The following ATP2A1 variants were observed in gnomAD, a reference collection of about 807,000 sequenced individuals.
ATP2A1 encodes ATPase sarcoplasmic/endoplasmic reticulum Ca2+ transporting 1.
Under a neutral mutation model 109.5 loss-of-function variants are expected in ATP2A1, and 83 were observed. The observed-to-expected ratio is 0.76, with a 90% CI of 0.63 to 0.91. ATP2A1 has a LOEUF of 0.91. ATP2A1 is among the 40% of genes least tolerant of loss of function. ATP2A1 has a pLI of 0.00. For missense variants in ATP2A1, 1,101 were observed against 1,341.0 expected (o/e 0.82, Z 2.80); for synonymous variants, 505 against 537.6 (o/e 0.94, Z 0.84).
intron 14 of ATP2A1, among the ~76,000 whole-genome samples, chr16:28,899,821 G>A (rs186883596): frequency 6.7e-6 from 1 of 150,086 alleles, no homozygotes; most frequent in Non-Finnish European, 1.5e-5. Flanking sequence ...TTAGCCAGGC[G>A]TGGTGGTGCG....
rs190468681 is a variant in ATP2A1, at chr16:28,884,188, C to T, written c.464-387C>T. On this transcript the variant is annotated intron_variant, in intron 5 of 22. Transcript: ENST00000395503. The stretch of plus-strand genomic sequence containing the variant: ...TGTCTCCCAATCTCAATTATAGCTT[C>T]TTGTCCTACAGCTGGACTGTCCCTA... 5.3e-3 allele frequency among the ~76,000 whole-genome samples: 814 copies of T among 152,278 alleles called. 4 individuals carry two copies. The highest frequency in any genetic ancestry group is 0.02 in the Middle Eastern group (6 of 294).
At position 28,901,857 on chromosome 16, in the gene ATP2A1, C is replaced by T; in HGVS notation, c.2101-6C>T. On this transcript the variant is annotated splice_polypyrimidine_tract_variant and splice_region_variant and intron_variant, in intron 15 of 22. Transcript: ENST00000395503. ...GCCCTAAGCCCACCTTCTCCTCCTCCCTCAGACAGGTGATGGCGTCAATGA... is the reference window on the plus strand; with the variant it reads ...GCCCTAAGCCCACCTTCTCCTCCTCTCTCAGACAGGTGATGGCGTCAATGA... 1 of 1,613,214 alleles carries T rather than the reference C, an allele frequency of 6.2e-7. No individual in the cohort carries two copies. Among genetic ancestry groups the T allele is most frequent in the Non-Finnish European group, 8.5e-7 (1 of 1,179,546 alleles).
In ATP2A1 at chr16:28,902,443, G is replaced by A. The variant is rs1043688234; in HGVS notation, c.2524+57G>A. ...CCCCTTGGGACTAACCCCCTCTCTG[G>A]GACACCAGCTCCCCCATGCAGGTGC... On this transcript the variant is annotated intron_variant, in intron 17 of 22. Coordinates refer to ENST00000395503, the MANE Select transcript of ATP2A1 (RefSeq NM_004320.6). The surrounding 1 kb of genome is among the most constrained non-coding windows in gnomAD (Gnocchi z 4.8). The A allele has an allele frequency of 3.1e-6, 5 of 1,593,854 alleles. No homozygotes were observed. The African/African-American group carries it at 6.7e-5, about 21-fold the overall frequency.
chr16:28,887,896 G>A (rs544374310), intron 8 of ATP2A1, among the ~76,000 whole-genome samples, 174 bp downstream of exon 8: 1 of 152,316 alleles, frequency 6.6e-6, no homozygotes, highest in South Asian at 2.1e-4. Flanking sequence ...CGCCTCGCGG[G>A]TTCACGCCAT....
chr16:28,899,658 C>CG (rs1567489818), intron 14 of ATP2A1, among the ~76,000 whole-genome samples: 1 of 95,382 alleles, frequency 1.0e-5, no homozygotes, highest in Non-Finnish European at 2.1e-5. Flanking sequence ...CCCCCCCCCC[C>CG]CCGAAAAAGA....
At chr16:28,879,418 C>A in intron 2 of ATP2A1, 83 bp from the exon 3 acceptor site, 1 of 1,306,854 alleles carries the variant, frequency 7.7e-7, no homozygotes, top group Non-Finnish European at 1.1e-6. Context: ...CTCCCCACTG[C>A]AGGCCGGAGT....
At chr16:28,879,687 T>C (rs1051978010) in intron 3 of ATP2A1, 104 bp downstream of exon 3, 2 of 1,338,336 alleles carry the variant, frequency 1.5e-6, no homozygotes, top group African/African-American at 2.9e-5. Flanking sequence ...GTCCCGAGCA[T>C]CCCATTGTAC....
At chr16:28,894,296 C>A in intron 10 of ATP2A1, 53 bp downstream of exon 10, 1 of 1,547,376 alleles carries the variant, frequency 6.5e-7, no homozygotes, top group Non-Finnish European at 8.9e-7. Context: ...TCCCACACCC[C>A]CTTTCTCCCT....
chr16:28,897,978 C>T, intron 12 of ATP2A1, 22 bp from the exon 13 acceptor site: 1 of 1,614,000 alleles, frequency 6.2e-7, no homozygotes, highest in Non-Finnish European at 8.5e-7. Context: ...GGACTGGTCT[C>T]CCCTCCCTGT....
chr16:28,882,960 C>G (rs1362206022), intron 5 of ATP2A1, among the ~76,000 whole-genome samples: 1 of 152,204 alleles, frequency 6.6e-6, no homozygotes, highest in African/African-American at 2.4e-5. Context: ...AGCTTTCAGT[C>G]TTGACCTCTC....
chr16:28,891,913 T>TA lies in ATP2A1; in HGVS notation c.1096-2232dup, dbSNP rs573441050. On this transcript the variant is annotated intron_variant, in intron 9 of 22. Transcript: ENST00000395503. ...ATAAAATAAAACAAAAATAAAAAAG[T>TA]AAAAAAAAAATACATAGGAAAGATA... Among the ~76,000 whole-genome samples the TA allele has an allele frequency of 3.4e-3, 500 of 148,210 alleles. 3 individuals are homozygous for TA. Among genetic ancestry groups the TA allele is most frequent in the Non-Finnish European group, 5.8e-3 (384 of 66,778 alleles).
intron 9 of ATP2A1, among the ~76,000 whole-genome samples, chr16:28,892,993 G>A (rs898414628): frequency 6.6e-6 from 1 of 151,192 alleles, no homozygotes; most frequent in Non-Finnish European, 1.5e-5. Context: ...GCAGTTAGCC[G>A]AGATTGCACC....
chr16:28,884,547 A>C, intron 5 of ATP2A1, 28 bp from the exon 6 acceptor site: 9 of 1,532,904 alleles, frequency 5.9e-6, no homozygotes, highest in Non-Finnish European at 7.2e-6. Flanking sequence ...TTCCCAAGTG[A>C]CCTCCCTCTT....
intron 6 of ATP2A1, among the ~76,000 whole-genome samples, chr16:28,885,271 A>C (rs1397234409): frequency 3.3e-5 from 5 of 151,896 alleles, no homozygotes; most frequent in African/African-American, 1.2e-4. Flanking sequence ...AAAAAGACAA[A>C]ACAAAACAAA....
chr16:28,894,515 G>C lies in ATP2A1; in HGVS notation c.1195G>C (p.Asp399His). 1 of 1,613,938 alleles carries C rather than the reference G, an allele frequency of 6.2e-7. No homozygotes were observed. The highest frequency in any genetic ancestry group is 1.7e-5 in the Admixed American group (1 of 60,006). ...TGACCCTGCTGCCAGCTTGAAGAAT[G>C]ATAAGCCAGTCCGGCCAGGGCAGTA... is the stretch of plus-strand genomic sequence containing the variant. ...YAPEGEVLKNDKPVRPGQYDG... is the reference protein window; with the variant it reads ...YAPEGEVLKNHKPVRPGQYDG... The change falls in exon 11 of 23, where the codon GAT (aspartate) becomes CAT (histidine). Residue 399 changes from aspartate (D) to histidine (H), a missense_variant. By Grantham distance (81) the Asp-to-His change is moderately conservative (BLOSUM62 -1). Transcript: ENST00000395503.
chr16:28,879,081 C>T lies in ATP2A1; in HGVS notation c.119-18C>T, dbSNP rs1346296972. 1.2e-6 allele frequency: 2 copies of T among 1,612,124 alleles called. No individual in the cohort carries two copies. Among genetic ancestry groups the T allele is most frequent in the African/African-American group, 2.7e-5 (2 of 74,862 alleles). On this transcript the variant is annotated intron_variant, in intron 1 of 22. Coordinates refer to ENST00000395503, the MANE Select transcript of ATP2A1 (RefSeq NM_004320.6). ...GAACCCCAAATGAATCTGTCCTTTT[C>T]TTCTTTTTCCTGGGTAGAGCTCCCT...
Position 28,887,188 on chromosome 16 carries a change from G to A in ATP2A1, c.545-1G>A. 1.9e-6 allele frequency: 3 copies of A among 1,613,904 alleles called. No homozygotes were observed. The highest frequency in any genetic ancestry group is 1.7e-6 in the Non-Finnish European group (2 of 1,179,988). ...AAAACCCCTTGGCCCCTTCTCCACA[G>A]GCGAGTCTGTATCTGTCATCAAACA... On this transcript the variant is annotated splice_acceptor_variant, in intron 6 of 22. Coordinates refer to ENST00000395503, the MANE Select transcript of ATP2A1 (RefSeq NM_004320.6). LOFTEE classifies it high-confidence loss of function.
Position 28,902,549 on chromosome 16 carries a change from C to T in ATP2A1, c.2525-31C>T, listed in dbSNP as rs541929503. 1.6e-5 allele frequency: 26 copies of T among 1,611,158 alleles called. No individual in the cohort carries two copies. The Admixed American group carries it at 4.0e-4, about 25-fold the overall frequency. On this transcript the variant is annotated intron_variant, in intron 17 of 22. Transcript: ENST00000395503. This position sits in a 1 kb window ranked among gnomAD's most constrained non-coding sequence, Gnocchi z 4.8. ...CTCGATGCCCCCTATCTCCCCAGCCCTGACCCCCGACTCCCCTCTCTCCAC... is the reference window on the plus strand; with the variant it reads ...CTCGATGCCCCCTATCTCCCCAGCCTTGACCCCCGACTCCCCTCTCTCCAC...
chr16:28,904,317 C>T lies in ATP2A1; in HGVS notation c.*175C>T. ...CCCGTGTCATGTGTCTGTTTATAAA[C>T]ATGTCCCCTTCCCTTTCCTTCCCCC... On this transcript the variant is annotated 3_prime_UTR_variant, in exon 23 of 23. Transcript: ENST00000395503. 1 of 1,599,100 alleles carries T rather than the reference C, an allele frequency of 6.3e-7. No individual in the cohort carries two copies. The highest frequency in any genetic ancestry group is 2.3e-5 in the East Asian group (1 of 44,174).
Sources: allele counts gnomAD v4.1 joint callset (sites outside exome capture counted in the v4.1 genomes callset), GRCh38; gene constraint gnomAD v4.1.1; non-coding constraint Gnocchi (gnomAD v3.1); transcripts MANE v1.5; gene names NCBI Gene and HGNC (gene_info 2026-07-23, HGNC 2026-07-21).